BAIAP2: variants seen among roughly 807,000 people sequenced by gnomAD.
BAIAP2 encodes the protein BAR/IMD domain-containing adapter protein 2.
A neutral mutation model predicts 63.0 loss-of-function variants in BAIAP2; 18 were observed. That is an observed-to-expected ratio of 0.29 (90% CI 0.20 to 0.42). BAIAP2 has a LOEUF of 0.42. Among genes scored for constraint, BAIAP2 ranks in the 10% least tolerant of loss-of-function variants. BAIAP2 has a pLI of 1.00. For missense variants in BAIAP2, 610 were observed against 734.3 expected (o/e 0.83, Z 1.96); for synonymous variants, 386 against 307.6 (o/e 1.25, Z -2.67).
chr17:81,099,864 C>G, intron 6 of BAIAP2, 64 bp from the exon 7 acceptor site: 6 of 1,578,800 alleles, frequency 3.8e-6, no homozygotes, highest in Non-Finnish European at 5.2e-6. Context: ...TGGGGCTGCC[C>G]CAAACCGGTC....
intron 1 of BAIAP2, chr17:81,036,778 C>T (rs1381893080): frequency 2.5e-6 from 3 of 1,200,046 alleles, no homozygotes; most frequent in African/African-American, 1.5e-5. Context: ...GGCCTTGTTG[C>T]TCTGTGGAAG....
At chr17:81,065,606 C>T (rs1474888712) in intron 3 of BAIAP2, among the ~76,000 whole-genome samples, 1 of 152,224 alleles carries the variant, frequency 6.6e-6, no homozygotes, top group Non-Finnish European at 1.5e-5. Flanking sequence ...TGAGCACACC[C>T]CTCCACCCCC....
Position 81,116,486 on chromosome 17 carries a change from A to C in BAIAP2, c.*647A>C. 5 of 748,796 alleles carry C rather than the reference A, an allele frequency of 6.7e-6. No homozygotes were observed. Among genetic ancestry groups the C allele is most frequent in the Admixed American group, 2.9e-5 (1 of 33,938 alleles). The allele number at this position is 748,796 out of a possible 1,614,324, so 46.4% of individuals were successfully genotyped here. On this transcript the variant is annotated 3_prime_UTR_variant, in exon 14 of 14. Transcript: ENST00000428708. ...AGGCCCCAGCCCTCCTCCTTACCCA[A>C]CCTCCCATCCAGAACCTTGCTGCCA...
chr17:81,059,184 A>G (rs990194918), intron 3 of BAIAP2, among the ~76,000 whole-genome samples: 2 of 152,042 alleles, frequency 1.3e-5, no homozygotes, highest in Non-Finnish European at 2.9e-5. Flanking sequence ...TGTTTGCTGC[A>G]GGTCTGGTGA....
rs184044097 is a variant in BAIAP2, at chr17:81,071,901, A to T, written c.218-12931A>T. ...CAGCGTGGCACGGAGGCGCCGGAGC[A>T]TGCAGGTCTATGCCTCTGCAGAGTC... On this transcript the variant is annotated intron_variant, in intron 3 of 13. Transcript: ENST00000428708. 2.0e-5 allele frequency among the ~76,000 whole-genome samples: 3 copies of T among 152,346 alleles called. No individual in the cohort carries two copies. The East Asian group carries it at 5.8e-4, about 29-fold the overall frequency.
chr17:81,102,400 T>A (rs764059897), intron 7 of BAIAP2, among the ~76,000 whole-genome samples: 1 of 152,142 alleles, frequency 6.6e-6, no homozygotes, highest in Non-Finnish European at 1.5e-5. Context: ...CTACCACTGA[T>A]CTCAGCCAGG....
chr17:81,096,820 G>C (rs943946285), intron 6 of BAIAP2, among the ~76,000 whole-genome samples: 1 of 152,246 alleles, frequency 6.6e-6, no homozygotes, highest in Non-Finnish European at 1.5e-5. Flanking sequence ...CCCCTTCCTG[G>C]AGAAGGAGCC....
intron 13 of BAIAP2, chr17:81,109,701 GC>G (rs2059665048): frequency 1.0e-6 from 1 of 985,252 alleles, no homozygotes; most frequent in Non-Finnish European, 1.2e-6. Context: ...ACATAGAGCA[GC>G]GCGGCACAGT....
chr17:81,085,618 G>T, intron 4 of BAIAP2, 36 bp from the exon 5 acceptor site: 1 of 1,578,872 alleles, frequency 6.3e-7, no homozygotes, highest in South Asian at 1.1e-5. Context: ...CCATGTGTTG[G>T]AGCTGACGGC....
At chr17:81,095,923 C>T (rs918365187) in intron 6 of BAIAP2, among the ~76,000 whole-genome samples, 7 of 152,160 alleles carry the variant, frequency 4.6e-5, no homozygotes, top group Admixed American at 1.3e-4. Context: ...CTGTACTCTC[C>T]CCTGGGGAAC....
intron 7 of BAIAP2, among the ~76,000 whole-genome samples, chr17:81,102,260 A>G (rs567729384): frequency 2.3e-4 from 35 of 152,208 alleles, no homozygotes; most frequent in African/African-American, 8.4e-4. Context: ...CGGGGCTCTC[A>G]GGGTGCGGGG....
chr17:81,114,601 G>A lies in BAIAP2; in HGVS notation c.1536-1169G>A, dbSNP rs930547718. 7.9e-5 allele frequency among the ~76,000 whole-genome samples: 12 copies of A among 152,184 alleles called. 1 individual carries two copies. The highest frequency in any genetic ancestry group is 6.2e-4 in the South Asian group (3 of 4,832). ...CCATCTGGGAGTCTGGGAGCCTTCC[G>A]CAGACCTGTCAGTCTCTTCCACGTA... On this transcript the variant is annotated intron_variant, in intron 13 of 13. Transcript: ENST00000428708.
chr17:81,092,057 G>A (rs1341530540), intron 6 of BAIAP2, among the ~76,000 whole-genome samples: 3 of 152,256 alleles, frequency 2.0e-5, no homozygotes, highest in Admixed American at 6.5e-5. Flanking sequence ...TCTGGTCTTT[G>A]GGGGTGTAGC....
At chr17:81,111,232 CCTT>C (rs1319722299) in intron 13 of BAIAP2, among the ~76,000 whole-genome samples, 2 of 152,234 alleles carry the variant, frequency 1.3e-5, no homozygotes, top group East Asian at 3.9e-4. Flanking sequence ...CTGGCCCTGA[CCTT>C]CTGTGTGGTC....
chr17:81,109,909 G>A (rs2146099948), intron 13 of BAIAP2: 1 of 985,476 alleles, frequency 1.0e-6, no homozygotes, highest in East Asian at 1.1e-4. Flanking sequence ...GCCCGGCTGG[G>A]GGAGGGCAGC....
chr17:81,108,633 C>T, intron 13 of BAIAP2, 124 bp downstream of exon 13: 2 of 1,292,734 alleles, frequency 1.5e-6, no homozygotes, highest in South Asian at 2.5e-5. Flanking sequence ...TGGCCCTTCA[C>T]CCCTGTCAGA....
At chr17:81,041,125 C>T (rs2047017756) in intron 1 of BAIAP2, among the ~76,000 whole-genome samples, 1 of 152,254 alleles carries the variant, frequency 6.6e-6, no homozygotes, top group Non-Finnish European at 1.5e-5. Flanking sequence ...TCTGCTGGCT[C>T]TTGGTTTGGT....
intron 6 of BAIAP2, among the ~76,000 whole-genome samples, chr17:81,094,590 C>G (rs987835012): frequency 6.6e-6 from 1 of 152,210 alleles, no homozygotes; most frequent in South Asian, 2.1e-4. Context: ...GGGTCTTGCT[C>G]AGAGCACGTG....
chr17:81,041,737 GC>G (rs1349716647), intron 1 of BAIAP2, among the ~76,000 whole-genome samples: 1 of 152,036 alleles, frequency 6.6e-6, no homozygotes, highest in Non-Finnish European at 1.5e-5. Flanking sequence ...ACCACGCCTG[GC>G]TAATTTTATA....
Sources: allele counts gnomAD v4.1 joint callset (sites outside exome capture counted in the v4.1 genomes callset), GRCh38; gene constraint gnomAD v4.1.1; transcripts MANE v1.5; gene names NCBI Gene and HGNC (gene_info 2026-07-23, HGNC 2026-07-21).